DDX31: variants seen among roughly 807,000 people sequenced by gnomAD.
DDX31 encodes the protein DEAD-box helicase 31.
Under a neutral mutation model 91.3 loss-of-function variants are expected in DDX31, and 70 were observed. That is an observed-to-expected ratio of 0.77 (90% CI 0.63 to 0.94). The LOEUF (loss-of-function observed/expected upper bound fraction) is 0.94. Among genes scored for constraint, DDX31 ranks in the 40% least tolerant of loss-of-function variants. DDX31 has a pLI of 0.00. For missense variants in DDX31, 902 were observed against 925.0 expected (o/e 0.98, Z 0.32); for synonymous variants, 362 against 350.6 (o/e 1.03, Z -0.36).
intron 4 of DDX31, among the ~76,000 whole-genome samples, chr9:132,660,752 G>C (rs556652297): frequency 9.9e-5 from 15 of 152,106 alleles, no homozygotes; most frequent in Non-Finnish European, 1.9e-4. Flanking sequence ...TCATCTCCTC[G>C]CACCTATTTT....
intron 13 of DDX31, among the ~76,000 whole-genome samples, chr9:132,642,750 C>T (rs572677557): frequency 2.0e-4 from 31 of 152,048 alleles, no homozygotes; most frequent in African/African-American, 7.5e-4. Context: ...AGGTCATCTG[C>T]TGTGGTGAAA....
At chr9:132,663,324 A>G (rs1835103713) in intron 1 of DDX31, 1 of 1,288,728 alleles carries the variant, frequency 7.8e-7, no homozygotes, top group East Asian at 5.6e-5. Context: ...TCCCATTCCA[A>G]ATGAGAATGC....
chr9:132,645,947 G>A lies in DDX31; in HGVS notation c.1328C>T (p.Ser443Phe). 6.2e-7 allele frequency: 1 copy of A among 1,613,878 alleles called. No individual in the cohort carries two copies. Among genetic ancestry groups the A allele is most frequent in the Non-Finnish European group, 8.5e-7 (1 of 1,179,896 alleles). Residue 443 changes from serine to phenylalanine, a missense_variant, in exon 13 of 20, where the codon TCT becomes TTT. Physicochemically the swap from Ser to Phe is radical, Grantham distance 155. Coordinates refer to ENST00000372159, the MANE Select transcript of DDX31 (RefSeq NM_022779.9). Reference sequence around the variant, plus strand: ...TAGGAATTTTAATCGCATGGAGGCAGATGGCAACTGCCCTGATGCCGGCGC... The same window carrying A: ...TAGGAATTTTAATCGCATGGAGGCAAATGGCAACTGCCCTGATGCCGGCGC... Reference protein sequence around the residue: ...SGAPASGQLPSASMRLKFLRL... With the variant: ...SGAPASGQLPFASMRLKFLRL...
chr9:132,601,998 A>C (rs1830747068), intron 19 of DDX31, among the ~76,000 whole-genome samples: 1 of 152,252 alleles, frequency 6.6e-6, no homozygotes, highest in Admixed American at 6.5e-5. Flanking sequence ...AGGAGACAGG[A>C]GTCATCCTCA....
intron 7 of DDX31, among the ~76,000 whole-genome samples, 167 bp from the exon 8 acceptor site, chr9:132,651,283 G>A (rs533420385): frequency 2.0e-5 from 3 of 152,078 alleles, no homozygotes; most frequent in South Asian, 4.2e-4. Context: ...GACTGGTTCT[G>A]CAACCTGTCA....
rs1414813874 is a variant in DDX31, at chr9:132,619,056, A to T, written c.1714-615T>A. 2.0e-5 allele frequency among the ~76,000 whole-genome samples: 3 copies of T among 152,350 alleles called. No individual in the cohort carries two copies. In the East Asian group the frequency reaches 5.8e-4, roughly 29 times the overall value. ...TGGGCTGTTCCAGGACAACACACTC[A>T]AAGACTGCCTGGATCTTTGCAGCAA... On this transcript the variant is annotated intron_variant, in intron 17 of 19. Coordinates refer to ENST00000372159, the MANE Select transcript of DDX31 (RefSeq NM_022779.9).
At chr9:132,632,143 GGGTCCTGGATATGTTT>G in intron 14 of DDX31, 52 bp from the exon 15 acceptor site, 1 of 1,557,882 alleles carries the variant, frequency 6.4e-7, no homozygotes, top group South Asian at 1.2e-5. Context: ...AACCTTTCTG[GGGTCCTGGATATGTTT>G]GATAATTTAA....
chr9:132,647,268 A>C (rs991675751), intron 11 of DDX31, among the ~76,000 whole-genome samples: 1 of 152,184 alleles, frequency 6.6e-6, no homozygotes, highest in Non-Finnish European at 1.5e-5. Context: ...GCCATTCTAT[A>C]AACACTCACC....
At chr9:132,611,347 G>A (rs1048309227) in intron 19 of DDX31, among the ~76,000 whole-genome samples, 1 of 152,172 alleles carries the variant, frequency 6.6e-6, no homozygotes, top group Non-Finnish European at 1.5e-5. Context: ...GACATGAGTG[G>A]CTCACAGGGC....
At chr9:132,629,997 T>TG (rs1314455871) in intron 16 of DDX31, among the ~76,000 whole-genome samples, 1 of 152,224 alleles carries the variant, frequency 6.6e-6, no homozygotes, top group Non-Finnish European at 1.5e-5. Context: ...ACACTTATCT[T>TG]GCAGCAGGAG....
chr9:132,616,774 A>G (rs535943630), intron 18 of DDX31, among the ~76,000 whole-genome samples: 2 of 152,306 alleles, frequency 1.3e-5, no homozygotes, highest in East Asian at 3.9e-4. Context: ...CCAAGACAGG[A>G]TATTATTAGA....
intron 19 of DDX31, among the ~76,000 whole-genome samples, chr9:132,610,301 C>A (rs896564985): frequency 1.3e-5 from 2 of 152,170 alleles, no homozygotes; most frequent in African/African-American, 4.8e-5. Flanking sequence ...CTCAAAATGG[C>A]CTAGAAGGAA....
intron 1 of DDX31, among the ~76,000 whole-genome samples, chr9:132,666,587 C>G (rs1279748307): frequency 6.6e-6 from 1 of 152,120 alleles, no homozygotes; most frequent in Non-Finnish European, 1.5e-5. Flanking sequence ...GCAGTGATCT[C>G]TGCTCACTGC....
rs560995620 is a variant in DDX31, at chr9:132,597,232, G to C, written c.1995-2120C>G. ...CATCATGGGTCACCCGCCCAGTGCG[G>C]ACCATGTGCACCAGTGTCCCTGGAG... On this transcript the variant is annotated intron_variant, in intron 19 of 19. Transcript: ENST00000372159. Among the ~76,000 whole-genome samples the C allele has an allele frequency of 2.6e-5, 4 of 152,292 alleles. No individual in the cohort carries two copies. In the South Asian group the frequency reaches 8.3e-4, roughly 32 times the overall value.
chr9:132,640,144 C>T (rs1407818832), intron 14 of DDX31, among the ~76,000 whole-genome samples: 1 of 152,190 alleles, frequency 6.6e-6, no homozygotes, highest in Non-Finnish European at 1.5e-5. Context: ...GCTGGGAAGG[C>T]ACGCAGACCA....
intron 14 of DDX31, 125 bp from the exon 15 acceptor site, chr9:132,632,216 C>T (rs1270590011): frequency 6.8e-6 from 3 of 440,824 alleles, no homozygotes; most frequent in Admixed American, 3.3e-5. Flanking sequence ...CACATTCGGG[C>T]ATACACGTAT....
rs779136684 is a variant in DDX31 at position 132,661,265 on chromosome 9, T to C, written c.409-14A>G. 2 of 1,577,570 alleles carry C rather than the reference T, an allele frequency of 1.3e-6. No homozygotes were observed. Among genetic ancestry groups the C allele is most frequent in the South Asian group, 1.1e-5 (1 of 88,878 alleles). On this transcript the variant is annotated splice_polypyrimidine_tract_variant and intron_variant, in intron 3 of 19. Transcript: ENST00000372159. ...TATTGTGGAAATCTAAAAGAGGAGA[T>C]GAAAAAGCTTTAATTAATATTTTGA...
At chr9:132,621,631 C>G (rs1832040063) in intron 17 of DDX31, among the ~76,000 whole-genome samples, 1 of 152,152 alleles carries the variant, frequency 6.6e-6, no homozygotes, top group Non-Finnish European at 1.5e-5. Flanking sequence ...GCTACTGAAC[C>G]CACATTTACA....
intron 14 of DDX31, among the ~76,000 whole-genome samples, chr9:132,638,853 AC>A (rs1427973170): frequency 6.6e-6 from 1 of 152,220 alleles, no homozygotes; most frequent in African/African-American, 2.4e-5. Context: ...GTGTGAGCAC[AC>A]TGCTATTTCC....
Sources: allele counts gnomAD v4.1 joint callset (sites outside exome capture counted in the v4.1 genomes callset), GRCh38; gene constraint gnomAD v4.1.1; transcripts MANE v1.5; gene names NCBI Gene and HGNC (gene_info 2026-07-23, HGNC 2026-07-21).